ANO4: variants seen among roughly 807,000 people sequenced by gnomAD.
ANO4 encodes the protein anoctamin-4.
In ANO4, 69 loss-of-function variants were observed where a neutral mutation model predicts 141.9. That is an observed-to-expected ratio of 0.49 (90% CI 0.40 to 0.59). The LOEUF (loss-of-function observed/expected upper bound fraction) is 0.59, where lower values mean the gene tolerates loss of function less well. Among genes scored for constraint, ANO4 ranks in the 20% least tolerant of loss-of-function variants. The probability of loss-of-function intolerance (pLI) is 0.00; values close to 1 mark genes in which losing one functional copy is unlikely to be tolerated. For missense variants in ANO4, 894 were observed against 1,162.2 expected (o/e 0.77, Z 3.36); for synonymous variants, 350 against 394.3 (o/e 0.89, Z 1.33).
chr12:100,912,226 C>G (rs182248509), intron 2 of ANO4, among the ~76,000 whole-genome samples: 642 of 151,852 alleles, frequency 4.2e-3, no homozygotes, highest in Non-Finnish European at 5.9e-3. Context: ...GGAAATCCGT[C>G]TCTACTAAAA....
chr12:101,077,885 C>T (rs1478062207), intron 14 of ANO4, among the ~76,000 whole-genome samples: 1 of 152,088 alleles, frequency 6.6e-6, no homozygotes, highest in Admixed American at 6.6e-5. Flanking sequence ...ACCTGTATTA[C>T]CCTCCTTCTT....
intron 14 of ANO4, among the ~76,000 whole-genome samples, chr12:101,078,628 A>G (rs2049120168): frequency 6.6e-6 from 1 of 152,148 alleles, no homozygotes; most frequent in Admixed American, 6.5e-5. Context: ...GGTTTGGAGA[A>G]AAGAGAAACA....
At chr12:100,926,020 G>T (rs182476796) in intron 3 of ANO4, among the ~76,000 whole-genome samples, 1 of 151,980 alleles carries the variant, frequency 6.6e-6, no homozygotes, top group Non-Finnish European at 1.5e-5. Flanking sequence ...TAATAGATAA[G>T]ATTTTCTCCA....
chr12:100,937,681 T>C (rs1645790270), intron 3 of ANO4, among the ~76,000 whole-genome samples: 1 of 152,152 alleles, frequency 6.6e-6, no homozygotes, highest in Non-Finnish European at 1.5e-5. Context: ...CCTCAAACAA[T>C]ATGTTTATTA....
intron 24 of ANO4, among the ~76,000 whole-genome samples, chr12:101,115,934 C>T (rs2050833061): frequency 6.6e-6 from 1 of 152,168 alleles, no homozygotes; most frequent in East Asian, 1.9e-4. Context: ...ACCTGCTCTG[C>T]TCCCAAAAAA....
At chr12:100,963,853 A>T (rs1592854848) in intron 5 of ANO4, among the ~76,000 whole-genome samples, 1 of 152,160 alleles carries the variant, frequency 6.6e-6, no homozygotes, top group South Asian at 2.1e-4. Context: ...GGTTACCCAA[A>T]TGTCCCCCAA....
chr12:100,792,346 T>C (rs1355310679), upstream of ANO4, among the ~76,000 whole-genome samples: 1 of 152,198 alleles, frequency 6.6e-6, no homozygotes, highest in Non-Finnish European at 1.5e-5. Flanking sequence ...AATCGTGCTG[T>C]TGTAGAATTT....
intron 3 of ANO4, among the ~76,000 whole-genome samples, chr12:100,769,262 A>G (rs1189361078): frequency 6.6e-6 from 1 of 152,370 alleles, no homozygotes. Context: ...TAATTTTAAT[A>G]TAAAGGAAAG....
At chr12:100,722,405 C>T (rs1189196562) in intron 1 of ANO4, among the ~76,000 whole-genome samples, 2 of 152,138 alleles carry the variant, frequency 1.3e-5, no homozygotes, top group East Asian at 3.9e-4. Context: ...AATTGAACTT[C>T]CTGCCCTTCT....
At chr12:100,812,525 T>G (rs1199084189) in intron 1 of ANO4, among the ~76,000 whole-genome samples, 1 of 152,148 alleles carries the variant, frequency 6.6e-6, no homozygotes, top group Non-Finnish European at 1.5e-5. Context: ...CATAATAATA[T>G]GAAGTAAAAG....
At chr12:100,839,801 G>A (rs2037141258) in intron 1 of ANO4, among the ~76,000 whole-genome samples, 1 of 151,906 alleles carries the variant, frequency 6.6e-6, no homozygotes, top group Admixed American at 6.6e-5. Flanking sequence ...TCTGTGTCTG[G>A]GCTTCACTGT....
chr12:100,915,394 A>T (rs1022334247), intron 2 of ANO4, among the ~76,000 whole-genome samples: 1 of 152,196 alleles, frequency 6.6e-6, no homozygotes, highest in African/African-American at 2.4e-5. Context: ...TATTTGTAGA[A>T]TATAAATAGA....
In ANO4 at chr12:100,787,555, C is replaced by T. The variant is rs554266809; in HGVS notation, c.358+47450C>T. ...ACGATGGCATCTTCATTTAAAAATCCTCGGGGTTGGCCAGAGTGAGGCTCA... is the reference window on the plus strand; with the variant it reads ...ACGATGGCATCTTCATTTAAAAATCTTCGGGGTTGGCCAGAGTGAGGCTCA... On this transcript the variant is annotated intron_variant, in intron 3 of 29. Coordinates refer to the ANO4 transcript ENST00000644049. 2.0e-4 allele frequency among the ~76,000 whole-genome samples: 30 copies of T among 152,172 alleles called. 2 individuals carry two copies. The highest frequency in any genetic ancestry group is 7.0e-4 in the African/African-American group (29 of 41,512).
chr12:100,834,739 T>A (rs1438637976), intron 1 of ANO4, among the ~76,000 whole-genome samples: 3 of 152,146 alleles, frequency 2.0e-5, no homozygotes, highest in Non-Finnish European at 4.4e-5. Flanking sequence ...TAGAAAATGC[T>A]ATGGTATATG....
chr12:100,876,291 A>AAAAAAAT (rs1555236584), intron 1 of ANO4, among the ~76,000 whole-genome samples: 7 of 151,322 alleles, frequency 4.6e-5, no homozygotes, highest in African/African-American at 1.7e-4. Flanking sequence ...AAAAAAAAAA[A>AAAAAAAT]AAAAACAGTG....
At chr12:100,940,969 A>G (rs2042486401) in intron 4 of ANO4, among the ~76,000 whole-genome samples, 2 of 152,202 alleles carry the variant, frequency 1.3e-5, no homozygotes, top group African/African-American at 4.8e-5. Context: ...GTTACAAAGT[A>G]TGATAATAAA....
intron 1 of ANO4, among the ~76,000 whole-genome samples, chr12:100,835,675 G>C (rs545378028): frequency 6.6e-6 from 1 of 152,196 alleles, no homozygotes; most frequent in South Asian, 2.1e-4. Context: ...TTTTGTGCTT[G>C]TCTTTATACT....
intron 3 of ANO4, among the ~76,000 whole-genome samples, chr12:100,925,421 T>C (rs981468927): frequency 1.3e-5 from 2 of 151,682 alleles, no homozygotes; most frequent in East Asian, 1.9e-4. Context: ...AGTGAGAACA[T>C]GCGGTGTTTG....
intron 1 of ANO4, among the ~76,000 whole-genome samples, chr12:100,833,435 A>G (rs992251010): frequency 1.3e-5 from 2 of 152,126 alleles, no homozygotes; most frequent in Admixed American, 6.6e-5. Context: ...TACCCAATTC[A>G]TGTTTCTAGC....
Sources: allele counts gnomAD v4.1 joint callset (sites outside exome capture counted in the v4.1 genomes callset), GRCh38; gene constraint gnomAD v4.1.1; transcripts MANE v1.5; gene names NCBI Gene and HGNC (gene_info 2026-07-23, HGNC 2026-07-21).